Variants in HNRNPLL observed in about 807,000 individuals in gnomAD.
HNRNPLL encodes the protein heterogeneous nuclear ribonucleoprotein L-like.
In HNRNPLL, 25 loss-of-function variants were observed where a neutral mutation model predicts 67.1. The ratio of observed to expected loss-of-function variants is 0.37; its 90% CI spans 0.27 to 0.52. The LOEUF is 0.52. Among genes scored for constraint, HNRNPLL ranks in the 20% least tolerant of loss-of-function variants. The pLI is 0.90. For missense variants in HNRNPLL, 542 were observed against 673.9 expected, an observed-to-expected ratio of 0.80 and a Z score of 2.17; for synonymous variants, 267 against 241.7, an observed-to-expected ratio of 1.10 and a Z score of -0.97.
At chr2:38,568,467 T>A in intron 10 of HNRNPLL, 24 bp from the exon 11 acceptor site, 6 of 1,486,428 alleles carry the variant, frequency 4.0e-6, no homozygotes, top group Non-Finnish European at 5.5e-6. Context: ...TAAAACTTCA[T>A]TAAAAATATA....
chr2:38,584,321 A>G (rs527637461), intron 3 of HNRNPLL, among the ~76,000 whole-genome samples: 17 of 152,284 alleles, frequency 1.1e-4, no homozygotes, highest in African/African-American at 3.9e-4. Context: ...TCAGTCTCCT[A>G]AAGAACTAAG....
intron 2 of HNRNPLL, among the ~76,000 whole-genome samples, chr2:38,588,107 G>A (rs79674515): frequency 0.068 from 10,328 of 152,094 alleles, 576 homozygotes; most frequent in African/African-American, 0.15. Flanking sequence ...ACCGTGAGCC[G>A]ATTAAACCTC....
chr2:38,568,961 G>A (rs1665969834), intron 10 of HNRNPLL, among the ~76,000 whole-genome samples, 172 bp downstream of exon 10: 1 of 152,134 alleles, frequency 6.6e-6, no homozygotes, highest in South Asian at 2.1e-4. Context: ...AATGAGGAAT[G>A]GAGGCCAGAA....
chr2:38,579,041 C>G, intron 6 of HNRNPLL, among the ~76,000 whole-genome samples: 1 of 152,064 alleles, frequency 6.6e-6, no homozygotes, highest in East Asian at 1.9e-4. Context: ...TAAGCATACG[C>G]CATCAAACAC....
intron 6 of HNRNPLL, among the ~76,000 whole-genome samples, chr2:38,578,278 G>A (rs1666379475): frequency 1.3e-5 from 2 of 151,942 alleles, no homozygotes; most frequent in Non-Finnish European, 2.9e-5. Flanking sequence ...TACGTTTTCA[G>A]AAAAGGCATG....
intron 1 of HNRNPLL, among the ~76,000 whole-genome samples, chr2:38,595,843 CA>C (rs34465282): frequency 4.0e-5 from 6 of 148,816 alleles, no homozygotes; most frequent in African/African-American, 9.9e-5. Context: ...GACTCCGTCT[CA>C]AAAAAAAAGG....
intron 7 of HNRNPLL, 25 bp downstream of exon 7, chr2:38,577,436 C>T (rs1466435614): frequency 1.4e-6 from 2 of 1,427,628 alleles, no homozygotes; most frequent in Non-Finnish European, 2.0e-6. Flanking sequence ...ATCTATACTA[C>T]CTTCTTTCTA....
At chr2:38,565,647 G>C (rs568194176) in intron 12 of HNRNPLL, among the ~76,000 whole-genome samples, 1 of 146,614 alleles carries the variant, frequency 6.8e-6, no homozygotes, top group East Asian at 2.0e-4. Flanking sequence ...AGGATCACTT[G>C]AGCTCAGGAA....
intron 12 of HNRNPLL, among the ~76,000 whole-genome samples, chr2:38,566,646 T>C (rs1004834902): frequency 3.3e-5 from 5 of 151,636 alleles, no homozygotes; most frequent in South Asian, 2.1e-4. Flanking sequence ...TAAACCTTCA[T>C]GCCCTACACT....
intron 2 of HNRNPLL, among the ~76,000 whole-genome samples, chr2:38,591,222 G>A (rs934902718): frequency 7.9e-5 from 12 of 152,158 alleles, no homozygotes; most frequent in African/African-American, 1.2e-4. Flanking sequence ...TTTAAAGAGT[G>A]TTTGAACAGG....
intron 10 of HNRNPLL, 117 bp downstream of exon 10, chr2:38,569,016 A>G (rs551615578): frequency 4.1e-5 from 31 of 747,018 alleles, no homozygotes; most frequent in Middle Eastern, 3.8e-4. Context: ...CAAGTAAATA[A>G]AATAGTAATA....
intron 2 of HNRNPLL, among the ~76,000 whole-genome samples, chr2:38,587,348 A>G (rs1399561430): frequency 6.6e-6 from 1 of 152,118 alleles, no homozygotes; most frequent in Non-Finnish European, 1.5e-5. Context: ...ATAAAAGGTA[A>G]CTATTACTGT....
chr2:38,568,495 CT>C, intron 10 of HNRNPLL, 52 bp from the exon 11 acceptor site: 1 of 1,192,066 alleles, frequency 8.4e-7, no homozygotes, highest in Non-Finnish European at 1.2e-6. Context: ...TAATATCCCA[CT>C]TTTTTACAGA....
At chr2:38,588,468 G>T (rs1259465507) in intron 2 of HNRNPLL, among the ~76,000 whole-genome samples, 1 of 148,158 alleles carries the variant, frequency 6.7e-6, no homozygotes, top group Admixed American at 6.9e-5. Context: ...AGAATCGCTT[G>T]AACTTGGAGG....
At chr2:38,596,366 C>T (rs979563772) in intron 1 of HNRNPLL, among the ~76,000 whole-genome samples, 2 of 152,076 alleles carry the variant, frequency 1.3e-5, no homozygotes, top group Admixed American at 6.6e-5. Flanking sequence ...TCAAGCAGTT[C>T]TCCTGCCTCA....
intron 1 of HNRNPLL, among the ~76,000 whole-genome samples, chr2:38,592,701 A>T (rs1667012180): frequency 6.6e-6 from 1 of 152,236 alleles, no homozygotes; most frequent in African/African-American, 2.4e-5. Flanking sequence ...TCATTTACTT[A>T]TTCAAGTTCC....
At position 38,569,850 on chromosome 2, in the gene HNRNPLL, T is replaced by C; in HGVS notation, c.1168A>G (p.Thr390Ala). 1 of 1,525,830 alleles carries C rather than the reference T, an allele frequency of 6.6e-7. No homozygotes were observed. The highest frequency in any genetic ancestry group is 9.1e-7 in the Non-Finnish European group (1 of 1,101,654). 94.5% of individuals were successfully genotyped at this position (1,525,830 alleles called of 1,614,324 possible). Residue 390 changes from threonine to alanine, a missense_variant, in exon 9 of 13, where the codon ACA becomes GCA. Thr to Ala is a moderately conservative substitution (Grantham distance 58). Transcript: ENST00000449105. ...GDEYAVERAV[T>A]HLNNVKLFGK... ...AATAATTTGACATTATTAAGGTGTG[T>C]GACAGCTCTTTCTACAGCATACTCA...
chr2:38,567,076 A>C (rs1055630795), intron 12 of HNRNPLL, among the ~76,000 whole-genome samples: 1 of 151,898 alleles, frequency 6.6e-6, no homozygotes, highest in African/African-American at 2.4e-5. Flanking sequence ...AAGACACAGG[A>C]AAGTATGTAC....
In HNRNPLL at chr2:38,564,234, C is replaced by T; in HGVS notation, c.1577G>A (p.Gly526Asp). Residue 526 changes from glycine (G) to aspartate (D), a missense_variant, in exon 13 of 13, where the codon GGT becomes GAT. Physicochemically the swap from Gly to Asp is moderately conservative, Grantham distance 94. Transcript: ENST00000449105. Reference protein sequence around the residue: ...LNHYQIRVPNGSNPYTLKLCF... With the variant: ...LNHYQIRVPNDSNPYTLKLCF... ...AAGCTTCAATGTATAGGGATTGGAA[C>T]CATCTGTAAAAAGTAAAAAACAGTT... is the stretch of plus-strand genomic sequence containing the variant. 1 of 1,543,542 alleles carries T rather than the reference C, an allele frequency of 6.5e-7. No homozygotes were observed. Among genetic ancestry groups the T allele is most frequent in the South Asian group, 1.1e-5 (1 of 88,518 alleles).
Sources: gnomAD v4.1 joint callset for allele counts (sites outside exome capture counted in the v4.1 genomes callset) on GRCh38, gnomAD v4.1.1 for gene constraint, MANE v1.5 for transcripts, NCBI Gene and HGNC (gene_info 2026-07-23, HGNC 2026-07-21) for gene names.